The following SUGT1 variants were observed in gnomAD, a reference collection of about 807,000 sequenced individuals.
SUGT1 encodes the protein protein SGT1 homolog.
A neutral mutation model predicts 56.1 loss-of-function variants in SUGT1; 15 were observed. The observed-to-expected ratio is 0.27, with a 90% CI of 0.18 to 0.41. The LOEUF (loss-of-function observed/expected upper bound fraction) is 0.41. Among genes scored for constraint, SUGT1 ranks in the 10% least tolerant of loss-of-function variants. The pLI is 1.00. For missense variants in SUGT1, 347 were observed against 382.2 expected (o/e 0.91, Z 0.77); for synonymous variants, 123 against 128.6 (o/e 0.96, Z 0.30).
intron 12 of SUGT1, among the ~76,000 whole-genome samples, chr13:52,684,423 T>C (rs1186347585): frequency 2.7e-5 from 4 of 150,824 alleles, no homozygotes; most frequent in African/African-American, 9.8e-5. Flanking sequence ...ATTTTTTTGT[T>C]CTACATTTTT....
At chr13:52,657,108 A>G (rs1962203651) in intron 2 of SUGT1, among the ~76,000 whole-genome samples, 1 of 152,198 alleles carries the variant, frequency 6.6e-6, no homozygotes, top group South Asian at 2.1e-4. Context: ...TGAGTGCTAG[A>G]TTTAACTTCT....
At chr13:52,683,247 G>T (rs1353871075) in intron 12 of SUGT1, among the ~76,000 whole-genome samples, 1 of 151,974 alleles carries the variant, frequency 6.6e-6, no homozygotes, top group African/African-American at 2.4e-5. Context: ...TAAATTTTTG[G>T]TAGATGATCT....
At chr13:52,662,124 C>T (rs1038273800) in intron 5 of SUGT1, among the ~76,000 whole-genome samples, 3 of 152,118 alleles carry the variant, frequency 2.0e-5, no homozygotes, top group South Asian at 4.1e-4. Context: ...CAAAACTTCA[C>T]GGAATTTAAA....
Position 52,657,422 on chromosome 13 carries a change from C to T in SUGT1, c.97-110C>T. 3 of 913,982 alleles carry T rather than the reference C, an allele frequency of 3.3e-6. No homozygotes were observed. In the South Asian group the frequency reaches 4.5e-5, roughly 14 times the overall value. 56.6% of individuals were successfully genotyped at this position (913,982 alleles called of 1,614,324 possible). A position where few individuals can be genotyped will look rare whatever the true frequency, so the allele number is the denominator to read the frequency against. ...CCAATATTATATCCGTGTTATCTTT[C>T]CTCCAAATAGCTTCTGACAATAAGT... On this transcript the variant is annotated intron_variant, in intron 2 of 12. Coordinates refer to ENST00000310528, the MANE Select transcript of SUGT1 (RefSeq NM_006704.5).
rs1963814464 is a variant in SUGT1 at position 52,692,609 on chromosome 13, C to T, written c.*4774C>T. On this transcript the variant is annotated 3_prime_UTR_variant, in exon 13 of 13. Transcript: ENST00000310528. Reference sequence around the variant, plus strand: ...TATTTTTAGTAGAGACGAGGTTTCACCATGTTGGTCAGGCTGGTCTTGAAC... The same window carrying T: ...TATTTTTAGTAGAGACGAGGTTTCATCATGTTGGTCAGGCTGGTCTTGAAC... The T allele has an allele frequency of 6.6e-6, 1 of 152,250 alleles. No homozygotes were observed. Among genetic ancestry groups the T allele is most frequent in the Non-Finnish European group, 1.5e-5 (1 of 68,104 alleles). 9.4% of individuals were successfully genotyped at this position (152,250 alleles called of 1,614,324 possible).
rs1963895769 is a variant in SUGT1 at position 52,695,255 on chromosome 13, G to A, written c.*7420G>A. 1 of 152,104 alleles carries A rather than the reference G, an allele frequency of 6.6e-6. No homozygotes were observed. Among genetic ancestry groups the A allele is most frequent in the Non-Finnish European group, 1.5e-5 (1 of 68,028 alleles). 9.4% of individuals were successfully genotyped at this position (152,104 alleles called of 1,614,324 possible). ...ATGAAACATGCTTAAGAAATTGAGT[G>A]CATTTCCTTTATTATTGTTATTATT... On this transcript the variant is annotated 3_prime_UTR_variant, in exon 13 of 13. Coordinates refer to ENST00000310528, the MANE Select transcript of SUGT1 (RefSeq NM_006704.5).
chr13:52,677,418 G>A (rs1336072824), intron 11 of SUGT1, among the ~76,000 whole-genome samples: 1 of 152,128 alleles, frequency 6.6e-6, no homozygotes, highest in Non-Finnish European at 1.5e-5. Flanking sequence ...GGTATTTAAG[G>A]TATTTAAGCA....
intron 9 of SUGT1, 123 bp downstream of exon 9, chr13:52,665,856 G>A: frequency 1.5e-6 from 1 of 666,514 alleles, no homozygotes; most frequent in East Asian, 3.1e-5. Context: ...TTTGGAAAAT[G>A]TTGAATAAAA....
chr13:52,655,423 T>C (rs1962115847), intron 2 of SUGT1, among the ~76,000 whole-genome samples: 1 of 152,140 alleles, frequency 6.6e-6, no homozygotes, highest in South Asian at 2.1e-4. Flanking sequence ...GGAAGGAAAA[T>C]GAAATTTTCT....
chr13:52,663,763 T>G (rs1443726785), intron 7 of SUGT1, among the ~76,000 whole-genome samples: 1 of 152,222 alleles, frequency 6.6e-6, no homozygotes, highest in Non-Finnish European at 1.5e-5. Context: ...TTTCTGTTAT[T>G]TAAAGTTCTG....
chr13:52,662,540 C>CGA, intron 5 of SUGT1, 109 bp from the exon 6 acceptor site: 6 of 1,041,470 alleles, frequency 5.8e-6, no homozygotes, highest in Admixed American at 4.1e-5. Flanking sequence ...TCGCTGCCGA[C>CGA]TCCCCAGTGC....
chr13:52,694,813 C>G lies in SUGT1; in HGVS notation c.*6978C>G, dbSNP rs1471086157. 3 of 152,322 alleles carry G rather than the reference C, an allele frequency of 2.0e-5. No homozygotes were observed. Among genetic ancestry groups the G allele is most frequent in the Non-Finnish European group, 4.4e-5 (3 of 68,122 alleles). 9.4% of individuals were successfully genotyped at this position (152,322 alleles called of 1,614,324 possible). On this transcript the variant is annotated 3_prime_UTR_variant, in exon 13 of 13. Transcript: ENST00000310528. ...ACGCCATTCTCATGCCTCAGCCTCCCAAGTAGCTGGGACTACAGGCGTCCG... is the reference window on the plus strand; with the variant it reads ...ACGCCATTCTCATGCCTCAGCCTCCGAAGTAGCTGGGACTACAGGCGTCCG...
Position 52,680,115 on chromosome 13 carries a change from A to T in SUGT1, c.860A>T (p.Asp287Val). 1 of 1,591,672 alleles carries T rather than the reference A, an allele frequency of 6.3e-7. No individual in the cohort carries two copies. The change falls in exon 12 of 13, where the codon GAT becomes GTT. Residue 287 changes from aspartate (D) to valine (V), a missense_variant. Asp to Val is a radical substitution (Grantham distance 152). Coordinates refer to ENST00000310528, the MANE Select transcript of SUGT1 (RefSeq NM_006704.5). ...AGATTATTTCAGCAGATCTATTCAG[A>T]TGGTTCTGATGAAGTGAAACGTGCC... The part of the protein sequence containing the change: ...LNRLFQQIYS[D>V]GSDEVKRAMN...
chr13:52,680,969 G>A lies in SUGT1; in HGVS notation c.900+814G>A, dbSNP rs1001569132. Among the ~76,000 whole-genome samples, 4 of 152,168 alleles carry A rather than the reference G, an allele frequency of 2.6e-5. No individual in the cohort carries two copies. The South Asian group carries it at 8.3e-4, about 32-fold the overall frequency. ...TGATTTTCCTACCTCAGCCTCTGCA[G>A]TAGCTGGGACTATAGACATGCACCA... On this transcript the variant is annotated intron_variant, in intron 12 of 12. Coordinates refer to ENST00000310528, the MANE Select transcript of SUGT1 (RefSeq NM_006704.5).
At chr13:52,679,077 T>C (rs1050506987) in intron 11 of SUGT1, among the ~76,000 whole-genome samples, 2 of 152,248 alleles carry the variant, frequency 1.3e-5, no homozygotes, top group African/African-American at 4.8e-5. Flanking sequence ...TTTTTAGTAA[T>C]GTAGTTACTA....
chr13:52,680,065 G>A lies in SUGT1; in HGVS notation c.810G>A (p.Lys270=). ...GEIKEEEKNE[K]LEGDAALNRL... The stretch of plus-strand genomic sequence containing the variant: ...TCAAAGAAGAAGAAAAGAATGAAAA[G>A]TTGGAGGGAGATGCAGCTTTAAACA... Residue 270 remains lysine, a synonymous_variant, in exon 12 of 13, where the codon AAG becomes AAA. Transcript: ENST00000310528. The A allele has an allele frequency of 6.3e-7, 1 of 1,598,042 alleles. No individual in the cohort carries two copies. Among genetic ancestry groups the A allele is most frequent in the South Asian group, 1.1e-5 (1 of 87,970 alleles).
At chr13:52,671,798 A>G (rs530361053) in intron 10 of SUGT1, among the ~76,000 whole-genome samples, 23 of 152,292 alleles carry the variant, frequency 1.5e-4, no homozygotes, top group East Asian at 7.7e-4. Context: ...GCTTATGGTC[A>G]TATATCTAAC....
intron 12 of SUGT1, among the ~76,000 whole-genome samples, chr13:52,685,256 C>T (rs867018207): frequency 1.1e-5 from 1 of 87,734 alleles, no homozygotes; most frequent in African/African-American, 4.5e-5. Flanking sequence ...TCTTCTTCTT[C>T]TTTTTTTTTT....
intron 8 of SUGT1, 140 bp downstream of exon 8, chr13:52,664,197 T>C: frequency 3.8e-6 from 3 of 782,138 alleles, no homozygotes; most frequent in Non-Finnish European, 6.2e-6. Context: ...AATAGCTTTA[T>C]GTAAAGCCAA....
Sources: allele counts gnomAD v4.1 joint callset (sites outside exome capture counted in the v4.1 genomes callset), GRCh38; gene constraint gnomAD v4.1.1; transcripts MANE v1.5; gene names NCBI Gene and HGNC (gene_info 2026-07-23, HGNC 2026-07-21).